The following COL22A1 variants were observed in gnomAD, a reference collection of about 807,000 sequenced individuals.
COL22A1 encodes collagen alpha-1(XXII) chain.
In COL22A1, 221 loss-of-function variants were observed where a neutral mutation model predicts 248.9. The ratio of observed to expected loss-of-function variants is 0.89; its 90% CI spans 0.80 to 0.99. The LOEUF (loss-of-function observed/expected upper bound fraction) is 0.99, where lower values mean the gene tolerates loss of function less well. COL22A1 is among the 50% of genes least tolerant of loss of function. COL22A1 has a pLI of 0.00. For missense variants in COL22A1, 2,240 were observed against 2,179.0 expected, an observed-to-expected ratio of 1.03 and a Z score of -0.56; for synonymous variants, 891 against 793.4, an observed-to-expected ratio of 1.12 and a Z score of -2.07.
chr8:138,681,063 T>A (rs1825925182), intron 39 of COL22A1, among the ~76,000 whole-genome samples: 1 of 152,150 alleles, frequency 6.6e-6, no homozygotes, highest in Admixed American at 6.5e-5. Flanking sequence ...CTCCAACAAC[T>A]GCATGCCTGC....
Position 138,591,441 on chromosome 8 carries a change from C to T in COL22A1, c.4676G>A (p.Gly1559Glu). ...APGVGLRGEM[G>E]PPGIPGQPGE... ...AGTCATACCTGGGATTCCAGGGGGT[C>T]CCATCTCGCCTCGGAGGCCAACTCC... The change falls in exon 64 of 65, where the codon GGA becomes GAA. Residue 1559 changes from glycine to glutamate, a missense_variant. Gly to Glu is a moderately conservative substitution (Grantham distance 98). Coordinates refer to ENST00000303045, the MANE Select transcript of COL22A1 (RefSeq NM_152888.3). 1 of 1,580,848 alleles carries T rather than the reference C, an allele frequency of 6.3e-7. No homozygotes were observed. Among genetic ancestry groups the T allele is most frequent in the Non-Finnish European group, 8.6e-7 (1 of 1,163,414 alleles).
chr8:138,780,136 G>A (rs1213592405), intron 13 of COL22A1, among the ~76,000 whole-genome samples: 1 of 152,184 alleles, frequency 6.6e-6, no homozygotes, highest in Non-Finnish European at 1.5e-5. Flanking sequence ...AGAGCAGGGG[G>A]AAAGTGTAAA....
At chr8:138,680,696 C>T (rs1301653698) in intron 39 of COL22A1, among the ~76,000 whole-genome samples, 6 of 152,142 alleles carry the variant, frequency 3.9e-5, no homozygotes, top group Admixed American at 3.9e-4. Context: ...CCCTAGCTTC[C>T]CCTGCTTCTT....
rs377591342 is a variant in COL22A1, at chr8:138,597,935, A to C, written c.4365+784T>G. 3.3e-5 allele frequency among the ~76,000 whole-genome samples: 5 copies of C among 152,138 alleles called. No homozygotes were observed. In the East Asian group the frequency reaches 7.7e-4, roughly 24 times the overall value. On this transcript the variant is annotated intron_variant, in intron 61 of 64. Coordinates refer to ENST00000303045, the MANE Select transcript of COL22A1 (RefSeq NM_152888.3). The stretch of plus-strand genomic sequence containing the variant: ...AGGGCACCTGAAACCCAGGCTGACC[A>C]CAGCCACCAGGAACTGACGCGACTG...
At chr8:138,700,580 G>C (rs1236514943) in intron 31 of COL22A1, among the ~76,000 whole-genome samples, 1 of 152,198 alleles carries the variant, frequency 6.6e-6, no homozygotes, top group Non-Finnish European at 1.5e-5. Flanking sequence ...GACAAGGTTG[G>C]GGAGAGTAGG....
intron 12 of COL22A1, among the ~76,000 whole-genome samples, chr8:138,786,716 C>T (rs904417048): frequency 1.3e-5 from 2 of 152,100 alleles, no homozygotes; most frequent in East Asian, 3.9e-4. Flanking sequence ...CCATCTCGGC[C>T]AACACAGTGA....
chr8:138,819,889 G>T (rs1360442548), intron 7 of COL22A1, among the ~76,000 whole-genome samples: 1 of 151,848 alleles, frequency 6.6e-6, no homozygotes, highest in Non-Finnish European at 1.5e-5. Context: ...TCCAAGAAAT[G>T]CTCTCAATTA....
At chr8:138,645,232 C>T (rs1472088010) in intron 47 of COL22A1, among the ~76,000 whole-genome samples, 1 of 152,116 alleles carries the variant, frequency 6.6e-6, no homozygotes, top group Non-Finnish European at 1.5e-5. Flanking sequence ...ACAGCTACTG[C>T]ACATGTACAG....
chr8:138,608,384 C>T (rs933424579), intron 56 of COL22A1, among the ~76,000 whole-genome samples: 6 of 152,200 alleles, frequency 3.9e-5, no homozygotes, highest in Non-Finnish European at 5.9e-5. Flanking sequence ...CACACTGCCA[C>T]AGTGCTGGTC....
chr8:138,772,427 G>A lies in COL22A1; in HGVS notation c.1803+3539C>T, dbSNP rs372335178. Among the ~76,000 whole-genome samples, 3 of 152,334 alleles carry A rather than the reference G, an allele frequency of 2.0e-5. No individual in the cohort carries two copies. In the East Asian group the frequency reaches 5.8e-4, roughly 29 times the overall value. On this transcript the variant is annotated intron_variant, in intron 16 of 64. Coordinates refer to ENST00000303045, the MANE Select transcript of COL22A1 (RefSeq NM_152888.3). ...AGGGGTTCTAAGCAGCACAGAAGGAGAGGCTCTGGGACAGGTCCAGGGAAA... is the reference window on the plus strand; with the variant it reads ...AGGGGTTCTAAGCAGCACAGAAGGAAAGGCTCTGGGACAGGTCCAGGGAAA...
chr8:138,869,447 C>G (rs917057645), intron 3 of COL22A1, among the ~76,000 whole-genome samples: 6 of 152,082 alleles, frequency 3.9e-5, no homozygotes, highest in Non-Finnish European at 5.9e-5. Context: ...GTGTTTGTGT[C>G]GCACAAGCTC....
intron 4 of COL22A1, among the ~76,000 whole-genome samples, chr8:138,842,354 T>C (rs1820946131): frequency 6.6e-6 from 1 of 152,224 alleles, no homozygotes; most frequent in South Asian, 2.1e-4. Context: ...ATGATTCCTT[T>C]CTATGGATAT....
At chr8:138,703,077 A>G (rs907043133) in intron 31 of COL22A1, among the ~76,000 whole-genome samples, 1 of 152,230 alleles carries the variant, frequency 6.6e-6, no homozygotes, top group Non-Finnish European at 1.5e-5. Context: ...AGTATCTAGC[A>G]CCCATTCTGA....
At chr8:138,704,190 C>G (rs13248775) in intron 30 of COL22A1, among the ~76,000 whole-genome samples, 39,771 of 152,118 alleles carry the variant, frequency 0.26, 5,344 homozygotes, top group African/African-American at 0.32. Context: ...TAGACTCCAC[C>G]TCTGGGGGCA....
chr8:138,626,252 T>C lies in COL22A1; in HGVS notation c.3664-9A>G, dbSNP rs774822019. The C allele has an allele frequency of 6.2e-7, 1 of 1,607,614 alleles. No individual in the cohort carries two copies. The highest frequency in any genetic ancestry group is 8.5e-7 in the Non-Finnish European group (1 of 1,176,786). ...GGAGGGCCTTCTTTCCCCTAAAAGA[T>C]CCAAGACATAAAAACACCATGAAAC... On this transcript the variant is annotated splice_polypyrimidine_tract_variant and intron_variant, in intron 50 of 64. Transcript: ENST00000303045.
chr8:138,593,384 T>A (rs1817249086), intron 63 of COL22A1, among the ~76,000 whole-genome samples: 1 of 151,648 alleles, frequency 6.6e-6, no homozygotes, highest in Non-Finnish European at 1.5e-5. Context: ...TGAAGTAAAT[T>A]TTTTTTTTAA....
At chr8:138,810,454 C>T (rs921545401) in intron 9 of COL22A1, among the ~76,000 whole-genome samples, 12 of 152,164 alleles carry the variant, frequency 7.9e-5, no homozygotes, top group African/African-American at 2.4e-4. Flanking sequence ...CTTAGCCTGC[C>T]GGGGGTGGGT....
chr8:138,720,888 C>A (rs142590403), intron 26 of COL22A1, 96 bp from the exon 27 acceptor site: 49 of 1,005,320 alleles, frequency 4.9e-5, no homozygotes, highest in Non-Finnish European at 6.8e-5. Flanking sequence ...AGAGAACTAC[C>A]TGCACTCGGG....
Position 138,806,015 on chromosome 8 carries a change from G to T in COL22A1, c.1494+1753C>A, listed in dbSNP as rs56739712. 4.6e-3 allele frequency among the ~76,000 whole-genome samples: 108 copies of T among 23,638 alleles called. No homozygotes were observed. In the Middle Eastern group the frequency reaches 0.083, roughly 18 times the overall value. The allele number at this position is 23,638 out of a possible 152,430, so 15.5% of individuals were successfully genotyped here. A position where few individuals can be genotyped will look rare whatever the true frequency, so the allele number is the denominator to read the frequency against. Reference sequence around the variant, plus strand: ...GATGGTGTGTGTGTGTGACGGTGTAGGTAATGGTGTGTGGTTGTGTGTGTG... The same window carrying T: ...GATGGTGTGTGTGTGTGACGGTGTATGTAATGGTGTGTGGTTGTGTGTGTG... On this transcript the variant is annotated intron_variant, in intron 10 of 64. Coordinates refer to ENST00000303045, the MANE Select transcript of COL22A1 (RefSeq NM_152888.3).
Sources: allele counts gnomAD v4.1 joint callset (sites outside exome capture counted in the v4.1 genomes callset), GRCh38; gene constraint gnomAD v4.1.1; transcripts MANE v1.5; gene names NCBI Gene and HGNC (gene_info 2026-07-23, HGNC 2026-07-21).